Variants in ACADSB observed in about 807,000 individuals in gnomAD.
The protein encoded by ACADSB is short/branched chain specific acyl-CoA dehydrogenase, mitochondrial.
In ACADSB, 40 loss-of-function variants were observed where a neutral mutation model predicts 54.1. That is an observed-to-expected ratio of 0.74 (90% CI 0.57 to 0.96). The LOEUF is 0.96. Among genes scored for constraint, ACADSB ranks in the 40% least tolerant of loss-of-function variants. The pLI, the probability that ACADSB is intolerant of heterozygous loss-of-function variation, is 0.00. For missense variants in ACADSB, 530 were observed against 510.4 expected, an observed-to-expected ratio of 1.04 and a Z score of -0.37; for synonymous variants, 182 against 182.8, an observed-to-expected ratio of 1.00 and a Z score of 0.03.
intron 2 of ACADSB, among the ~76,000 whole-genome samples, chr10:123,035,208 G>A (rs1850383075): frequency 6.6e-6 from 1 of 151,860 alleles, no homozygotes; most frequent in South Asian, 2.1e-4. Flanking sequence ...TGCCCTCCTT[G>A]GCCTCCCAAA....
chr10:123,021,491 A>C (rs1462393653), intron 1 of ACADSB, among the ~76,000 whole-genome samples: 1 of 152,236 alleles, frequency 6.6e-6, no homozygotes, highest in Non-Finnish European at 1.5e-5. Context: ...ACTTAACTGA[A>C]AACAATCCTT....
intron 1 of ACADSB, among the ~76,000 whole-genome samples, chr10:123,031,441 C>A (rs1850325551): frequency 6.6e-6 from 1 of 152,006 alleles, no homozygotes; most frequent in Non-Finnish European, 1.5e-5. Context: ...CTGTTCTATA[C>A]AAAAAAATGT....
chr10:123,051,209 A>T (rs1564754602), intron 9 of ACADSB, 23 bp downstream of exon 9: 1 of 1,372,004 alleles, frequency 7.3e-7, no homozygotes, highest in Non-Finnish European at 9.6e-7. Flanking sequence ...AAAAAAAAAA[A>T]AAAGGAAAAA....
chr10:123,013,775 G>A (rs1235331324), intron 1 of ACADSB, among the ~76,000 whole-genome samples: 5 of 152,198 alleles, frequency 3.3e-5, no homozygotes, highest in Admixed American at 1.3e-4. Context: ...GCCCGGGGCC[G>A]CAGGGCCTGC....
chr10:123,027,314 A>C (rs967460149), intron 1 of ACADSB, among the ~76,000 whole-genome samples: 11 of 152,226 alleles, frequency 7.2e-5, no homozygotes, highest in African/African-American at 2.7e-4. Flanking sequence ...TGATACAGCT[A>C]TGCAGCTGAT....
chr10:123,016,088 A>G (rs1303339701), intron 1 of ACADSB, among the ~76,000 whole-genome samples: 1 of 152,242 alleles, frequency 6.6e-6, no homozygotes, highest in Admixed American at 6.5e-5. Flanking sequence ...AAGAAAGGTA[A>G]TTCTGTTTTA....
chr10:123,044,360 A>C (rs1280122022), intron 6 of ACADSB, 33 bp from the exon 7 acceptor site: 1 of 1,514,652 alleles, frequency 6.6e-7, no homozygotes, highest in Non-Finnish European at 9.2e-7. Flanking sequence ...TGGAAAATGA[A>C]ACTGAGAAAT....
chr10:123,034,546 T>A (rs1428055139), intron 2 of ACADSB, 31 bp downstream of exon 2: 1 of 1,594,402 alleles, frequency 6.3e-7, no homozygotes, highest in Non-Finnish European at 8.5e-7. Flanking sequence ...CACCTTTTTC[T>A]CCCCAGACAG....
intron 1 of ACADSB, among the ~76,000 whole-genome samples, chr10:123,013,790 C>T (rs529057826): frequency 2.6e-5 from 4 of 152,358 alleles, no homozygotes; most frequent in Middle Eastern, 3.4e-3. Flanking sequence ...GCCTGCCGGC[C>T]GCTCCGAGTG....
At chr10:123,053,642 G>C in intron 10 of ACADSB, 53 bp from the exon 11 acceptor site, 1 of 1,482,502 alleles carries the variant, frequency 6.7e-7, no homozygotes, top group Non-Finnish European at 9.4e-7. Context: ...GCTATTTCTT[G>C]TCTTAACCAT....
In ACADSB at chr10:123,057,752, A is replaced by G. The variant is rs1042696877; in HGVS notation, c.*3987A>G. 6.6e-6 allele frequency: 1 copy of G among 152,150 alleles called. No homozygotes were observed. The highest frequency in any genetic ancestry group is 2.1e-4 in the South Asian group (1 of 4,820). 9.4% of individuals were successfully genotyped at this position (152,150 alleles called of 1,614,324 possible). ...AAGACCTTAGAGAACCAGCCAACCA[A>G]CTCTCTCATTTTAAAAGTGAAGGAT... is the stretch of plus-strand genomic sequence containing the variant. On this transcript the variant is annotated 3_prime_UTR_variant, in exon 11 of 11. Coordinates refer to ENST00000358776, the MANE Select transcript of ACADSB (RefSeq NM_001609.4).
chr10:123,041,202 T>C lies in ACADSB; in HGVS notation c.511-7T>C, dbSNP rs1850467944. On this transcript the variant is annotated splice_polypyrimidine_tract_variant and splice_region_variant and intron_variant, in intron 4 of 10. Transcript: ENST00000358776. ...TTAATTTGGACATTTTTTTCTCCCATATGTAGGTAGGAAGTTTCTGCCTTT... is the reference window on the plus strand; with the variant it reads ...TTAATTTGGACATTTTTTTCTCCCACATGTAGGTAGGAAGTTTCTGCCTTT... The C allele has an allele frequency of 1.2e-6, 2 of 1,614,024 alleles. No individual in the cohort carries two copies. Among genetic ancestry groups the C allele is most frequent in the Non-Finnish European group, 1.7e-6 (2 of 1,179,924 alleles).
chr10:123,026,645 G>C (rs1850255792), intron 1 of ACADSB, among the ~76,000 whole-genome samples: 1 of 151,668 alleles, frequency 6.6e-6, no homozygotes, highest in Admixed American at 6.6e-5. Context: ...GGACTATTTT[G>C]CAACTATTTA....
rs1850712413 is a variant in ACADSB at position 123,056,658 on chromosome 10, CAT to C, written c.*2894_*2895del. The C allele has an allele frequency of 6.6e-6, 1 of 152,190 alleles. No individual in the cohort carries two copies. Among genetic ancestry groups the C allele is most frequent in the Non-Finnish European group, 1.5e-5 (1 of 68,050 alleles). 9.4% of individuals were successfully genotyped at this position (152,190 alleles called of 1,614,324 possible). A position where few individuals can be genotyped will look rare whatever the true frequency, so the allele number is the denominator to read the frequency against. On this transcript the variant is annotated 3_prime_UTR_variant, in exon 11 of 11. Transcript: ENST00000358776. ...GTTTTGATATTTTCTGAAAGAGGAACATGTGTTAGAGATGAAGAATCTTCCAA... is the reference window on the plus strand; with the variant it reads ...GTTTTGATATTTTCTGAAAGAGGAACGTGTTAGAGATGAAGAATCTTCCAA...
chr10:123,009,281 C>T (rs1039839300), intron 1 of ACADSB, among the ~76,000 whole-genome samples: 1 of 152,198 alleles, frequency 6.6e-6, no homozygotes, highest in African/African-American at 2.4e-5. Flanking sequence ...GGGGTCGGGG[C>T]TGTCTAGAAG....
At chr10:123,043,870 T>G (rs1850512895) in intron 6 of ACADSB, among the ~76,000 whole-genome samples, 1 of 152,214 alleles carries the variant, frequency 6.6e-6, no homozygotes, top group Non-Finnish European at 1.5e-5. Flanking sequence ...TCTTTATTTT[T>G]TTAAAGTATG....
intron 1 of ACADSB, among the ~76,000 whole-genome samples, chr10:123,020,735 G>A (rs1482396170): frequency 1.3e-5 from 2 of 152,188 alleles, no homozygotes; most frequent in Non-Finnish European, 2.9e-5. Context: ...TGCCAGTGCA[G>A]CAAATCAAAA....
chr10:123,014,810 G>A (rs1188133979), intron 1 of ACADSB, among the ~76,000 whole-genome samples: 3 of 152,244 alleles, frequency 2.0e-5, no homozygotes, highest in Non-Finnish European at 4.4e-5. Context: ...CAGCAGAGGG[G>A]TGCGGATTCC....
intron 1 of ACADSB, among the ~76,000 whole-genome samples, chr10:123,028,675 T>G (rs1850285600): frequency 6.6e-6 from 1 of 151,922 alleles, no homozygotes; most frequent in South Asian, 2.1e-4. Flanking sequence ...AAAAATAAAA[T>G]AATAAAATGA....
Sources: allele counts gnomAD v4.1 joint callset (sites outside exome capture counted in the v4.1 genomes callset), GRCh38; gene constraint gnomAD v4.1.1; transcripts MANE v1.5; gene names NCBI Gene and HGNC (gene_info 2026-07-23, HGNC 2026-07-21).